PVALB: variants seen among roughly 807,000 people sequenced by gnomAD.
PVALB encodes the protein parvalbumin alpha.
Under a neutral mutation model 10.9 loss-of-function variants are expected in PVALB, and 11 were observed. That is an observed-to-expected ratio of 1.01 (90% CI 0.63 to 1.67). The LOEUF (loss-of-function observed/expected upper bound fraction) is 1.67. Among genes scored for constraint, PVALB ranks in the 40% most tolerant of loss-of-function variants. The pLI is 0.00. For synonymous variants in PVALB, 57 were observed against 50.7 expected (o/e 1.12, Z -0.53); for missense variants, 131 against 136.2 (o/e 0.96, Z 0.19).
In PVALB at chr22:36,815,084, C is replaced by T. The variant is rs1354671643; in HGVS notation, c.194+19G>A. 6.2e-7 allele frequency: 1 copy of T among 1,613,766 alleles called. No individual in the cohort carries two copies. Among genetic ancestry groups the T allele is most frequent in the Non-Finnish European group, 8.5e-7 (1 of 1,179,842 alleles). The stretch of plus-strand genomic sequence containing the variant: ...TCGTGCAGCCGTGGGCTGGGCAGCC[C>T]CTGCAGGCCTCCGCTTACCCCAGCT... On this transcript the variant is annotated intron_variant, in intron 2 of 3. Transcript: ENST00000417718.
intron 1 of PVALB, 23 bp downstream of exon 1, chr22:36,816,922 G>A: frequency 6.3e-7 from 1 of 1,589,926 alleles, no homozygotes; most frequent in African/African-American, 1.4e-5. Context: ...GAGAGGGATG[G>A]GGAGGGGAGC....
intron 3 of PVALB, among the ~76,000 whole-genome samples, chr22:36,802,327 G>C (rs779700877): frequency 2.4e-4 from 37 of 152,216 alleles, no homozygotes; most frequent in Non-Finnish European, 4.6e-4. Context: ...ACTGGGCTGG[G>C]CACGGTGGCT....
intron 3 of PVALB, chr22:36,811,583 G>C: frequency 1.5e-5 from 7 of 454,084 alleles, no homozygotes; most frequent in South Asian, 1.1e-4. Flanking sequence ...GGGAGGGAGG[G>C]AGGCAGGGAA....
At chr22:36,811,050 C>T (rs572383048) in intron 3 of PVALB, among the ~76,000 whole-genome samples, 5 of 152,226 alleles carry the variant, frequency 3.3e-5, no homozygotes, top group South Asian at 4.1e-4. Flanking sequence ...CTGAGGTGGG[C>T]GGATGACTTG....
At chr22:36,811,754 C>T (rs1199187386) in intron 3 of PVALB, among the ~76,000 whole-genome samples, 1 of 152,032 alleles carries the variant, frequency 6.6e-6, no homozygotes, top group East Asian at 1.9e-4. Context: ...GGGAGCCAGG[C>T]CTTGGGGTGG....
In PVALB at chr22:36,810,605, G is replaced by C. The variant is rs917589291; in HGVS notation, c.304+3041C>G. Among the ~76,000 whole-genome samples the C allele has an allele frequency of 2.0e-5, 3 of 152,158 alleles. No homozygotes were observed. In the South Asian group the frequency reaches 6.2e-4, roughly 32 times the overall value. On this transcript the variant is annotated intron_variant, in intron 3 of 3. Coordinates refer to ENST00000417718, the MANE Select transcript of PVALB (RefSeq NM_001315532.2). ...GGTTTGAATCCTGGCCCTGACACTT[G>C]CTGGCATTGTGACCTTGCACTCACT...
intron 3 of PVALB, among the ~76,000 whole-genome samples, chr22:36,805,863 G>T (rs868585916): frequency 2.6e-5 from 4 of 152,118 alleles, no homozygotes; most frequent in Non-Finnish European, 5.9e-5. Flanking sequence ...AGACAAGGAA[G>T]ATATAAACAG....
chr22:36,800,754 C>G lies in PVALB; in HGVS notation c.*136G>C. On this transcript the variant is annotated 3_prime_UTR_variant, in exon 4 of 4. Transcript: ENST00000417718. ...CCAGCATTTTCCAGAAGAATGGTGT[C>G]ATTAGAGGGCCACAGGGGATGGGGG... 1 of 944,950 alleles carries G rather than the reference C, an allele frequency of 1.1e-6. No homozygotes were observed. Among genetic ancestry groups the G allele is most frequent in the Admixed American group, 1.8e-5 (1 of 54,462 alleles). The allele number at this position is 944,950 out of a possible 1,614,324, so 58.5% of individuals were successfully genotyped here.
upstream of PVALB, among the ~76,000 whole-genome samples, chr22:36,817,202 C>T (rs1294906351): frequency 6.6e-6 from 1 of 152,120 alleles, no homozygotes; most frequent in Non-Finnish European, 1.5e-5. Flanking sequence ...CAGCGCCGGC[C>T]GCCGGCAAGA....
At chr22:36,816,157 C>T (rs1939135881) in intron 1 of PVALB, among the ~76,000 whole-genome samples, 1 of 152,142 alleles carries the variant, frequency 6.6e-6, no homozygotes, top group African/African-American at 2.4e-5. Flanking sequence ...ACCTCCGACA[C>T]TAGGCTGGGC....
At chr22:36,802,722 C>A (rs183524241) in intron 3 of PVALB, among the ~76,000 whole-genome samples, 3 of 152,186 alleles carry the variant, frequency 2.0e-5, no homozygotes, top group East Asian at 3.9e-4. Flanking sequence ...TAGACATCAT[C>A]CTTTCCTGTC....
In PVALB at chr22:36,807,461, C is replaced by T. The variant is rs543594218; in HGVS notation, c.304+6185G>A. Among the ~76,000 whole-genome samples, 26 of 152,332 alleles carry T rather than the reference C, an allele frequency of 1.7e-4. No individual in the cohort carries two copies. In the South Asian group the frequency reaches 4.1e-3, roughly 24 times the overall value. On this transcript the variant is annotated intron_variant, in intron 3 of 3. Transcript: ENST00000417718. ...CGGAGGGCTAGAATTACAGGGAGAA[C>T]GGCAAATTCTCCTTCTATCTCTCTC...
chr22:36,802,494 G>A (rs543509228), intron 3 of PVALB, among the ~76,000 whole-genome samples: 123 of 150,654 alleles, frequency 8.2e-4, no homozygotes, highest in African/African-American at 2.9e-3. Context: ...CCAGCTACTT[G>A]GGAAGCAGAG....
chr22:36,818,728 T>C (rs1601526436), upstream of PVALB: 2 of 152,466 alleles, frequency 1.3e-5, no homozygotes, highest in East Asian at 1.9e-4. Context: ...GCTTCAGCTA[T>C]ACCAGTGGAG....
At chr22:36,818,909 C>T (rs894453076), upstream of PVALB, 4 of 152,328 alleles carry the variant, frequency 2.6e-5, no homozygotes, top group African/African-American at 7.2e-5. Context: ...CACACACTGG[C>T]TCCTGGTGAG....
At chr22:36,814,642 G>C (rs1569094090) in intron 2 of PVALB, among the ~76,000 whole-genome samples, 1 of 152,108 alleles carries the variant, frequency 6.6e-6, no homozygotes, top group Non-Finnish European at 1.5e-5. Flanking sequence ...CTCAGAGGTG[G>C]TTCTGCATCC....
chr22:36,811,355 A>T, intron 3 of PVALB: 1 of 359,154 alleles, frequency 2.8e-6, no homozygotes, highest in Non-Finnish European at 5.7e-6. Flanking sequence ...TGTGCTGGGC[A>T]CTACAGGCCA....
At chr22:36,810,362 G>T (rs1939027827) in intron 3 of PVALB, among the ~76,000 whole-genome samples, 2 of 152,192 alleles carry the variant, frequency 1.3e-5, no homozygotes, top group Non-Finnish European at 2.9e-5. Context: ...CCCCAAAAAG[G>T]CTCTGCTTCC....
chr22:36,800,770 G>A lies in PVALB; in HGVS notation c.*120C>T. On this transcript the variant is annotated 3_prime_UTR_variant, in exon 4 of 4. Coordinates refer to ENST00000417718, the MANE Select transcript of PVALB (RefSeq NM_001315532.2). Reference sequence around the variant, plus strand: ...GAATGGTGTCATTAGAGGGCCACAGGGGATGGGGGAGTAAAAAATAACATA... The same window carrying A: ...GAATGGTGTCATTAGAGGGCCACAGAGGATGGGGGAGTAAAAAATAACATA... 9.0e-7 allele frequency: 1 copy of A among 1,108,160 alleles called. No individual in the cohort carries two copies. Among genetic ancestry groups the A allele is most frequent in the Non-Finnish European group, 1.4e-6 (1 of 721,854 alleles). 68.6% of individuals were successfully genotyped at this position (1,108,160 alleles called of 1,614,324 possible). A position where few individuals can be genotyped will look rare whatever the true frequency, so the allele number is the denominator to read the frequency against.
Sources: allele counts gnomAD v4.1 joint callset (sites outside exome capture counted in the v4.1 genomes callset), GRCh38; gene constraint gnomAD v4.1.1; transcripts MANE v1.5; gene names NCBI Gene and HGNC (gene_info 2026-07-23, HGNC 2026-07-21).